TENM1: variants seen among roughly 807,000 people sequenced by gnomAD.
TENM1 encodes teneurin transmembrane protein 1, also known as teneurin-1.
In TENM1, 35 loss-of-function variants were observed where a neutral mutation model predicts 174.8. That is an observed-to-expected ratio of 0.20 (90% CI 0.15 to 0.27). The LOEUF is 0.27. Ranked by LOEUF, TENM1 falls within the 10% of genes least tolerant of loss-of-function variation. TENM1 has a pLI of 1.00. For synonymous variants in TENM1, 781 were observed against 798.7 expected (o/e 0.98, Z 0.37); for missense variants, 1,633 against 2,130.1 (o/e 0.77, Z 4.59).
chrX:125,172,329 C>A, the TENM1 span, among the ~76,000 whole-genome samples: 1 of 99,012 alleles, frequency 1.0e-5, no homozygotes. Context: ...TCACCCCCCC[C>A]CATTTTAAAC....
At chrX:124,406,602 A>G (rs943095524) in intron 25 of TENM1, 113 bp from the exon 29 acceptor site, 2 of 451,398 alleles carry the variant, frequency 4.4e-6, no homozygotes, top group African/African-American at 4.8e-5. Flanking sequence ...GATAACAAGT[A>G]TTATTAACCT....
In TENM1 at chrX:124,663,241, G is replaced by A. The variant is rs189096908; in HGVS notation, c.1168+8442C>T. 2.7e-5 allele frequency among the ~76,000 whole-genome samples: 3 copies of A among 111,785 alleles called. No individual in the cohort carries two copies. In the East Asian group the frequency reaches 8.4e-4, roughly 31 times the overall value. ...TTAAAATGACTAAGGGAAAATGGAAGCTACAAGAAGAATACAGAAGTAAAC... is the reference window on the plus strand; with the variant it reads ...TTAAAATGACTAAGGGAAAATGGAAACTACAAGAAGAATACAGAAGTAAAC... On this transcript the variant is annotated intron_variant, in intron 6 of 31. Coordinates refer to ENST00000422452, the Ensembl canonical transcript of TENM1.
the TENM1 span, among the ~76,000 whole-genome samples, chrX:124,977,295 C>G: frequency 2.7e-5 from 3 of 111,623 alleles, no homozygotes; most frequent in African/African-American, 9.8e-5. Context: ...GTAAATGTAT[C>G]AAAACTAGGC....
chrX:124,487,866 T>G, intron 20 of TENM1, among the ~76,000 whole-genome samples: 1 of 112,148 alleles, frequency 8.9e-6, no homozygotes, highest in Non-Finnish European at 1.9e-5. Context: ...TGCAAATTCC[T>G]TAGCAATATT....
chrX:124,884,071 A>G (rs1224141031), intron 3 of TENM1, among the ~76,000 whole-genome samples: 1 of 111,324 alleles, frequency 9.0e-6, no homozygotes, highest in Non-Finnish European at 1.9e-5. Context: ...TTTCAGTGGC[A>G]GCAGCAATTG....
rs1276771059 is a variant in TENM1, at chrX:124,451,582, GA to G, written c.4104+1754del. ...TTGTCAAGTCAATCCTAAGCCAAAAGAACAAAGCTGGAGGCATCACGCTACC... is the reference window on the plus strand; with the variant it reads ...TTGTCAAGTCAATCCTAAGCCAAAAGACAAAGCTGGAGGCATCACGCTACC... On this transcript the variant is annotated intron_variant, in intron 23 of 31. Coordinates refer to ENST00000422452, the Ensembl canonical transcript of TENM1. Among the ~76,000 whole-genome samples, 8 of 111,897 alleles carry G rather than the reference GA, an allele frequency of 7.1e-5. No individual in the cohort carries two copies. In the Admixed American group the frequency reaches 7.6e-4, roughly 11 times the overall value.
chrX:124,463,836 G>GGTGTGTGTGTGT (rs61128914), intron 22 of TENM1, among the ~76,000 whole-genome samples: 2 of 90,944 alleles, frequency 2.2e-5, no homozygotes, highest in Non-Finnish European at 4.4e-5. Context: ...TAGAGGTTGG[G>GGTGTGTGTGTGT]GTGTGTGTGT....
intron 3 of TENM1, among the ~76,000 whole-genome samples, chrX:124,882,373 T>C (rs933379590): frequency 2.7e-5 from 3 of 111,776 alleles, no homozygotes; most frequent in Non-Finnish European, 5.6e-5. Flanking sequence ...TTAGGCCTAT[T>C]TGGTGTAAAG....
At chrX:124,723,608 T>TG (rs2053374530) in intron 4 of TENM1, among the ~76,000 whole-genome samples, 2 of 100,078 alleles carry the variant, frequency 2.0e-5, no homozygotes, top group Non-Finnish European at 4.1e-5. Context: ...TTTTTGTTTT[T>TG]TTTTTTTTTT....
chrX:124,997,926 T>G, the TENM1 span, among the ~76,000 whole-genome samples: 1 of 110,355 alleles, frequency 9.1e-6, no homozygotes, highest in African/African-American at 3.3e-5. Context: ...ACCATTGTTT[T>G]CACCTATATA....
intron 23 of TENM1, among the ~76,000 whole-genome samples, chrX:124,445,071 C>T (rs2060951329): frequency 9.0e-6 from 1 of 111,628 alleles, no homozygotes; most frequent in Admixed American, 9.5e-5. Context: ...AACATAATAC[C>T]TATCTTGAAG....
chrX:124,415,928 T>C (rs193234799), intron 25 of TENM1, among the ~76,000 whole-genome samples: 38 of 111,655 alleles, frequency 3.4e-4, no homozygotes, highest in African/African-American at 1.2e-3. Flanking sequence ...AGATCATTTT[T>C]ATCAGTATAC....
chrX:125,038,524 G>A, the TENM1 span, among the ~76,000 whole-genome samples: 4 of 111,085 alleles, frequency 3.6e-5, no homozygotes, highest in Admixed American at 3.8e-4. Flanking sequence ...ATAGACACAC[G>A]GCATAATCCT....
rs779501054 is a variant in TENM1, at chrX:124,664,532, G to GAAAAA, written c.1168+7146_1168+7150dup. ...CATTTATGTCTCAGATAAAGCAAAA[G>GAAAAA]AAAAAAAAAAAAAAAAAAAAAAAAG... On this transcript the variant is annotated intron_variant, in intron 6 of 31. Coordinates refer to ENST00000422452, the Ensembl canonical transcript of TENM1. Among the ~76,000 whole-genome samples the GAAAAA allele has an allele frequency of 6.7e-3, 196 of 29,249 alleles. 1 individual carries two copies. The highest frequency in any genetic ancestry group is 0.014 in the African/African-American group (116 of 8,418). The allele number at this position is 29,249 out of a possible 115,157, so 25.4% of individuals were successfully genotyped here.
intron 22 of TENM1, among the ~76,000 whole-genome samples, chrX:124,465,791 C>T (rs2061234940): frequency 9.0e-6 from 1 of 110,701 alleles, no homozygotes; most frequent in Non-Finnish European, 1.9e-5. Context: ...ATGCATGCAA[C>T]CTAATTCTGT....
chrX:124,528,587 A>T (rs1156993453), intron 16 of TENM1, among the ~76,000 whole-genome samples: 2 of 110,588 alleles, frequency 1.8e-5, no homozygotes, highest in Non-Finnish European at 3.8e-5. Flanking sequence ...CCGTTATTCA[A>T]TCTAATTGGG....
chrX:124,490,471 C>T (rs1364755353), intron 20 of TENM1, among the ~76,000 whole-genome samples: 1 of 111,840 alleles, frequency 8.9e-6, no homozygotes, highest in Non-Finnish European at 1.9e-5. Context: ...TTCTAACTGC[C>T]CCTAAATGGC....
the TENM1 span, among the ~76,000 whole-genome samples, chrX:125,064,692 C>T: frequency 5.4e-5 from 6 of 110,436 alleles, no homozygotes; most frequent in East Asian, 5.7e-4. Flanking sequence ...CTGCAAGCTC[C>T]GCCTCCTGGG....
At chrX:125,201,250 C>A in the TENM1 span, among the ~76,000 whole-genome samples, 1 of 112,147 alleles carries the variant, frequency 8.9e-6, no homozygotes, top group African/African-American at 3.2e-5. Context: ...CATATAATAG[C>A]TGAATTGAAA....
Sources: allele counts gnomAD v4.1 joint callset (sites outside exome capture counted in the v4.1 genomes callset), GRCh38; gene constraint gnomAD v4.1.1; transcripts MANE v1.5; gene names NCBI Gene and HGNC (gene_info 2026-07-23, HGNC 2026-07-21).